CFAP70: variants seen among roughly 807,000 people sequenced by gnomAD.
CFAP70 encodes the protein cilia- and flagella-associated protein 70.
Under a neutral mutation model 137.6 loss-of-function variants are expected in CFAP70, and 81 were observed. The observed-to-expected ratio is 0.59, with a 90% CI of 0.49 to 0.71. CFAP70 has a LOEUF of 0.71. Among genes scored for constraint, CFAP70 ranks in the 30% least tolerant of loss-of-function variants. The pLI is 0.00. For synonymous variants in CFAP70, 382 were observed against 423.6 expected (o/e 0.90, Z 1.20); for missense variants, 976 against 1,226.7 (o/e 0.80, Z 3.05).
rs149910308 is a variant in CFAP70, at chr10:73,316,235, A to G, written c.913-3592T>C. ...AACCTAAGGTGTGTCTACTATAAAC[A>G]GTATATAGTTGAATCTTGATTTTTT... On this transcript the variant is annotated intron_variant, in intron 9 of 26. Coordinates refer to ENST00000310715, the Ensembl canonical transcript of CFAP70. Among the ~76,000 whole-genome samples the G allele has an allele frequency of 9.9e-5, 15 of 152,124 alleles. No homozygotes were observed. The East Asian group carries it at 2.9e-3, about 29-fold the overall frequency.
chr10:73,338,255 A>G, intron 6 of CFAP70, among the ~76,000 whole-genome samples: 1 of 141,420 alleles, frequency 7.1e-6, no homozygotes, highest in Non-Finnish European at 1.5e-5. Flanking sequence ...GGTTCAAGCG[A>G]TTCTCTTGCC....
rs752311444 is a variant in CFAP70, at chr10:73,297,147, ATC to A, written c.1537_1538del (p.Asp513Ter). Reference sequence around the variant, plus strand: ...CAAATGATGTTGTCTTCAAGTATTTATCTCTCACAATCTTTACCACAGCATGC... The same window carrying A: ...CAAATGATGTTGTCTTCAAGTATTTATCTCACAATCTTTACCACAGCATGC... On this transcript the variant is annotated frameshift_variant, in exon 15 of 27. Coordinates refer to ENST00000310715, the Ensembl canonical transcript of CFAP70. LOFTEE classifies it high-confidence loss of function. 77 of 1,613,336 alleles carry A rather than the reference ATC, an allele frequency of 4.8e-5. No individual in the cohort carries two copies. Among genetic ancestry groups the A allele is most frequent in the Non-Finnish European group, 6.1e-5 (72 of 1,179,648 alleles).
At chr10:73,343,569 C>T (rs1233697856) in intron 5 of CFAP70, among the ~76,000 whole-genome samples, 2 of 152,124 alleles carry the variant, frequency 1.3e-5, no homozygotes, top group Admixed American at 1.3e-4. Context: ...ATTAGCTGGG[C>T]GTGGTAGTGG....
chr10:73,339,519 A>G (rs2053044453), intron 6 of CFAP70, among the ~76,000 whole-genome samples: 1 of 151,998 alleles, frequency 6.6e-6, no homozygotes, highest in East Asian at 1.9e-4. Context: ...CATTTCACCC[A>G]CTTGGCCTGG....
intron 6 of CFAP70, among the ~76,000 whole-genome samples, chr10:73,337,916 A>T (rs1400869336): frequency 2.0e-5 from 3 of 152,288 alleles, no homozygotes; most frequent in Middle Eastern, 3.4e-3. Context: ...CAAAAAAACA[A>T]AAAAAGAAAA....
At chr10:73,322,578 A>G (rs2050967738) in intron 9 of CFAP70, among the ~76,000 whole-genome samples, 1 of 150,352 alleles carries the variant, frequency 6.7e-6, no homozygotes, top group African/African-American at 2.4e-5. Flanking sequence ...AAAAAAAAAA[A>G]AAAAAAAAAG....
chr10:73,290,130 T>C (rs2048064944), intron 19 of CFAP70, among the ~76,000 whole-genome samples: 1 of 152,098 alleles, frequency 6.6e-6, no homozygotes, highest in South Asian at 2.1e-4. Context: ...CAGGTATCTA[T>C]CAACAGGTGA....
chr10:73,348,063 T>C, intron 4 of CFAP70, 93 bp downstream of exon 5: 2 of 1,096,580 alleles, frequency 1.8e-6, no homozygotes, highest in Non-Finnish European at 2.8e-6. Flanking sequence ...AAATGCCCAA[T>C]GCATTACACT....
intron 9 of CFAP70, among the ~76,000 whole-genome samples, chr10:73,321,654 AAT>A (rs2132196512): frequency 6.6e-6 from 1 of 152,272 alleles, no homozygotes; most frequent in African/African-American, 2.4e-5. Context: ...TTTTTGCTCG[AAT>A]ATATGATTTT....
chr10:73,310,434 A>G lies in CFAP70; in HGVS notation c.1165-185T>C, dbSNP rs139219601. ...AATAACTGGAAAGAAATATAGCAAC[A>G]GTGGTTATCTCTTAGAGGAAAGGAT... is the stretch of plus-strand genomic sequence containing the variant. On this transcript the variant is annotated intron_variant, in intron 11 of 26. Transcript: ENST00000310715. 4.6e-5 allele frequency among the ~76,000 whole-genome samples: 7 copies of G among 152,364 alleles called. No homozygotes were observed. In the East Asian group the frequency reaches 5.8e-4, roughly 13 times the overall value.
intron 7 of CFAP70, among the ~76,000 whole-genome samples, chr10:73,332,804 C>G (rs1365531648): frequency 5.9e-5 from 9 of 152,120 alleles, no homozygotes; most frequent in African/African-American, 2.2e-4. Context: ...CATAAAACCT[C>G]ACACTAAAAA....
chr10:73,351,543 C>T (rs182660479), intron 3 of CFAP70, among the ~76,000 whole-genome samples: 1 of 152,252 alleles, frequency 6.6e-6, no homozygotes, highest in East Asian at 1.9e-4. Flanking sequence ...AGTGATTCTC[C>T]TGCCTCAGTC....
At position 73,269,703 on chromosome 10, in the gene CFAP70, TGA is replaced by T; in HGVS notation, c.2936_2937del (p.Leu979HisfsTer4). 1 of 1,612,538 alleles carries T rather than the reference TGA, an allele frequency of 6.2e-7. No individual in the cohort carries two copies. Among genetic ancestry groups the T allele is most frequent in the East Asian group, 2.2e-5 (1 of 44,856 alleles). On this transcript the variant is annotated frameshift_variant, in exon 25 of 27. Transcript: ENST00000310715. LOFTEE classifies it high-confidence loss of function. ...TCAGAAAGAGCATCCTCAGCCTCTG[TGA>T]GCTCCTCCAGCTTGACAGAAAAATG...
Position 73,274,426 on chromosome 10 carries a change from C to A in CFAP70, c.2835+7G>T, listed in dbSNP as rs757464608. 48 of 1,606,778 alleles carry A rather than the reference C, an allele frequency of 3.0e-5. No homozygotes were observed. The highest frequency in any genetic ancestry group is 3.8e-5 in the Non-Finnish European group (45 of 1,177,582). On this transcript the variant is annotated splice_region_variant and intron_variant, in intron 23 of 26. Coordinates refer to ENST00000310715, the Ensembl canonical transcript of CFAP70. ...CACGGGGTTATTCCCCATTCTCTAC[C>A]CCTCACCTCTTTCTCTTCCAGATAG...
At chr10:73,282,007 G>T (rs374815230) in intron 19 of CFAP70, among the ~76,000 whole-genome samples, 12 of 152,280 alleles carry the variant, frequency 7.9e-5, no homozygotes, top group East Asian at 7.7e-4. Context: ...GGCTGACTGG[G>T]TTCTCCCCCA....
intron 25 of CFAP70, among the ~76,000 whole-genome samples, chr10:73,258,147 A>G (rs112016698): frequency 0.15 from 23,228 of 152,144 alleles, 2,901 homozygotes; most frequent in African/African-American, 0.32. Context: ...AAAAGTGGTT[A>G]TGCCAATTTA....
chr10:73,257,143 G>C (rs2044606925), intron 25 of CFAP70, among the ~76,000 whole-genome samples: 1 of 152,052 alleles, frequency 6.6e-6, no homozygotes, highest in African/African-American at 2.4e-5. Flanking sequence ...TCAAGACCTA[G>C]GAGATAACTA....
intron 21 of CFAP70, chr10:73,276,230 T>G (rs1220051019): frequency 6.6e-6 from 1 of 152,036 alleles, no homozygotes; most frequent in East Asian, 1.9e-4. Flanking sequence ...ATTATAGGGG[T>G]GAGCCCCATG....
At chr10:73,362,893 G>C (rs1442073957), upstream of CFAP70, among the ~76,000 whole-genome samples, 1 of 150,236 alleles carries the variant, frequency 6.7e-6, no homozygotes, top group Non-Finnish European at 1.5e-5. Flanking sequence ...CAGTATGTTA[G>C]CTGTGTGTCT....
Sources: gnomAD v4.1 joint callset for allele counts (sites outside exome capture counted in the v4.1 genomes callset) on GRCh38, gnomAD v4.1.1 for gene constraint, MANE v1.5 for transcripts, NCBI Gene and HGNC (gene_info 2026-07-23, HGNC 2026-07-21) for gene names.